The following NEB variants were observed in gnomAD, a reference collection of about 807,000 sequenced individuals.
NEB encodes nebulin, also known as nemaline myopathy type 2.
In NEB, 512 loss-of-function variants were observed where a neutral mutation model predicts 952.2. That is an observed-to-expected ratio of 0.54 (90% CI 0.50 to 0.58). NEB has a LOEUF of 0.58. NEB is among the 20% of genes least tolerant of loss of function. NEB has a pLI of 0.00. For missense variants in NEB, 8,428 were observed against 9,231.1 expected (o/e 0.91, Z 3.56); for synonymous variants, 2,900 against 3,149.8 (o/e 0.92, Z 2.66).
intron 8 of NEB, among the ~76,000 whole-genome samples, chr2:151,723,770 T>G (rs1452358283): frequency 6.7e-6 from 1 of 149,082 alleles, no homozygotes; most frequent in African/African-American, 2.5e-5. Flanking sequence ...TTTTTTTTTT[T>G]TTTTGGTCAT....
At position 151,498,170 on chromosome 2, in the gene NEB, G is replaced by GAA. The variant is rs374650537; in HGVS notation, c.24207+88_24207+89dup. On this transcript the variant is annotated intron_variant, in intron 170 of 181. Transcript: ENST00000397345. ...TAAGATGTATTAGAAGCAAAGAAGGGAAATGGGCTTCAAACAAAAATAAAT... is the reference window on the plus strand; with the variant it reads ...TAAGATGTATTAGAAGCAAAGAAGGGAAAAATGGGCTTCAAACAAAAATAAAT... The GAA allele has an allele frequency of 3.2e-4, 500 of 1,543,422 alleles. No homozygotes were observed. In the African/African-American group the frequency reaches 5.7e-3, roughly 18 times the overall value.
At chr2:151,501,570 A>G (rs1031555299) in intron 167 of NEB, 87 bp from the exon 168 acceptor site, 3 of 640,772 alleles carry the variant, frequency 4.7e-6, no homozygotes, top group Non-Finnish European at 7.3e-6. Context: ...TAAAAGAAGT[A>G]TTTTTATTGT....
intron 34 of NEB, among the ~76,000 whole-genome samples, chr2:151,676,221 G>A (rs184935875): frequency 7.8e-4 from 119 of 152,188 alleles, no homozygotes; most frequent in Non-Finnish European, 4.6e-4. Flanking sequence ...TTTCTTCTAG[G>A]ACCCAAAGAG....
At chr2:151,697,994 A>T (rs1309632400) in intron 13 of NEB, among the ~76,000 whole-genome samples, 1 of 152,176 alleles carries the variant, frequency 6.6e-6, no homozygotes, top group Non-Finnish European at 1.5e-5. Flanking sequence ...TGAACCCGGG[A>T]GGCGGAGGTT....
chr2:151,503,450 A>G lies in NEB; in HGVS notation c.23743-9T>C. On this transcript the variant is annotated splice_polypyrimidine_tract_variant and intron_variant, in intron 165 of 181. Coordinates refer to ENST00000397345, the MANE Select transcript of NEB (RefSeq NM_001164508.2). Reference sequence around the variant, plus strand: ...TTTTCTTTGTACATAACCTGTAGAAAATAATTAGAATACCCAGAAAGGTAA... The same window carrying G: ...TTTTCTTTGTACATAACCTGTAGAAGATAATTAGAATACCCAGAAAGGTAA... 1 of 1,552,768 alleles carries G rather than the reference A, an allele frequency of 6.4e-7. No individual in the cohort carries two copies. The highest frequency in any genetic ancestry group is 2.2e-5 in the East Asian group (1 of 44,498).
intron 38 of NEB, 28 bp downstream of exon 38, chr2:151,670,995 C>A (rs754156824): frequency 6.3e-7 from 1 of 1,597,094 alleles, no homozygotes; most frequent in Admixed American, 1.7e-5. Context: ...TATTTACGGG[C>A]AAATCATTTT....
At chr2:151,630,237 A>C (rs1217891768) in intron 67 of NEB, among the ~76,000 whole-genome samples, 3 of 152,244 alleles carry the variant, frequency 2.0e-5, no homozygotes, top group East Asian at 3.8e-4. Context: ...CTTTTAAAAA[A>C]GTCAGTAATC....
intron 54 of NEB, among the ~76,000 whole-genome samples, chr2:151,646,701 G>T (rs951754663): frequency 2.6e-5 from 4 of 152,172 alleles, no homozygotes; most frequent in Non-Finnish European, 1.5e-5. Context: ...CCAGGCTGGA[G>T]TGCAATGGCG....
At chr2:151,499,695 A>G (rs1277995801) in intron 168 of NEB, among the ~76,000 whole-genome samples, 1 of 152,264 alleles carries the variant, frequency 6.6e-6, no homozygotes, top group Non-Finnish European at 1.5e-5. Context: ...TCAGTGTACA[A>G]TAGAAAAATT....
chr2:151,715,070 T>A (rs1206969695), intron 10 of NEB, among the ~76,000 whole-genome samples: 1 of 152,206 alleles, frequency 6.6e-6, no homozygotes, highest in Non-Finnish European at 1.5e-5. Flanking sequence ...CACAGCCACC[T>A]CCCCTTAGCT....
chr2:151,711,208 A>G (rs2099744178), intron 10 of NEB, among the ~76,000 whole-genome samples: 1 of 152,190 alleles, frequency 6.6e-6, no homozygotes, highest in African/African-American at 2.4e-5. Context: ...TGTTTGTTCA[A>G]CTACACTAAA....
intron 54 of NEB, 72 bp downstream of exon 54, chr2:151,650,104 T>C (rs923059966): frequency 4.3e-5 from 60 of 1,404,468 alleles, no homozygotes; most frequent in Non-Finnish European, 5.7e-5. Flanking sequence ...TACTCATTTA[T>C]TAAGCAAGTG....
chr2:151,534,425 G>C (rs754495206), intron 142 of NEB: 8 of 914,896 alleles, frequency 8.7e-6, no homozygotes, highest in Middle Eastern at 2.2e-4. Flanking sequence ...ATCTCTAGTG[G>C]CGGGCTCCCA....
chr2:151,548,304 G>T lies in NEB; in HGVS notation c.20157+4C>A. The T allele has an allele frequency of 6.2e-7, 1 of 1,603,186 alleles. No homozygotes were observed. The highest frequency in any genetic ancestry group is 8.5e-7 in the Non-Finnish European group (1 of 1,170,226). On this transcript the variant is annotated splice_donor_region_variant and intron_variant, in intron 131 of 181. Transcript: ENST00000397345. ...TGTCTCTTGGAGAATCAGCATTCAGGTACCTCGCTGGTAACATTGTTGACT... is the reference window on the plus strand; with the variant it reads ...TGTCTCTTGGAGAATCAGCATTCAGTTACCTCGCTGGTAACATTGTTGACT...
At chr2:151,505,713 G>C (rs565944075) in intron 164 of NEB, 143 bp from the exon 165 acceptor site, 1 of 680,592 alleles carries the variant, frequency 1.5e-6, no homozygotes, top group Non-Finnish European at 2.6e-6. Context: ...GTGTGAATGG[G>C]ACCTCATTCT....
In NEB at chr2:151,488,862, TC is replaced by T. The variant is rs1226218581; in HGVS notation, c.25404+1108del. 7.9e-5 allele frequency among the ~76,000 whole-genome samples: 12 copies of T among 152,192 alleles called. No homozygotes were observed. The East Asian group carries it at 1.7e-3, about 22-fold the overall frequency. On this transcript the variant is annotated intron_variant, in intron 181 of 181. Transcript: ENST00000397345. Reference sequence around the variant, plus strand: ...TTCTTTTAGGGTCTGTTTCTGGACTTCATCTATTTTTGTATCTATTGCCATG... The same window carrying T: ...TTCTTTTAGGGTCTGTTTCTGGACTTATCTATTTTTGTATCTATTGCCATG...
In NEB at chr2:151,659,159, T is replaced by C. The variant is rs2099118556; in HGVS notation, c.5981A>G (p.Lys1994Arg). ...GGTTTTGTCAGCCTCCCATGCTTGT[T>C]TGTAGAGATGCTAGGAAAAAAACAG... ...NAKIMNEHLYKQAWEADKTKV... is the reference protein window; with the variant it reads ...NAKIMNEHLYRQAWEADKTKV... Residue 1994 changes from lysine to arginine, a missense_variant, in exon 47 of 182, where the codon AAA (lysine) becomes AGA (arginine). Lys to Arg is a conservative substitution (Grantham distance 26). Coordinates refer to ENST00000397345, the MANE Select transcript of NEB (RefSeq NM_001164508.2). 6.2e-7 allele frequency: 1 copy of C among 1,609,174 alleles called. No individual in the cohort carries two copies. Among genetic ancestry groups the C allele is most frequent in the Non-Finnish European group, 8.5e-7 (1 of 1,175,896 alleles).
intron 168 of NEB, 26 bp downstream of exon 168, chr2:151,501,365 G>C (rs2064397004): frequency 7.3e-7 from 1 of 1,374,064 alleles, no homozygotes; most frequent in Non-Finnish European, 1.0e-6. Context: ...TTTTAATATG[G>C]AGTTAAAGAG....
intron 33 of NEB, 22 bp downstream of exon 33, chr2:151,677,854 T>C (rs1362644513): frequency 6.2e-7 from 1 of 1,605,858 alleles, no homozygotes; most frequent in South Asian, 1.1e-5. Flanking sequence ...GGGGGGTTTC[T>C]TGAGAAGTAA....
Sources: gnomAD v4.1 joint callset for allele counts (sites outside exome capture counted in the v4.1 genomes callset) on GRCh38, gnomAD v4.1.1 for gene constraint, MANE v1.5 for transcripts, NCBI Gene and HGNC (gene_info 2026-07-23, HGNC 2026-07-21) for gene names.